The following KIAA1210 variants were observed in gnomAD, a reference collection of about 807,000 sequenced individuals.
KIAA1210 encodes the protein KIAA1210.
KIAA1210 carries 48 observed loss-of-function variants against 78.9 expected under a neutral mutation model. The observed-to-expected ratio is 0.61, with a 90% confidence interval of 0.48 to 0.77. The LOEUF is 0.77. KIAA1210 is among the 30% of genes least tolerant of loss of function. The pLI, the probability that KIAA1210 is intolerant of heterozygous loss-of-function variation, is 0.00. For synonymous variants in KIAA1210, 406 were observed against 404.5 expected (o/e 1.00, Z -0.04); for missense variants, 1,108 against 1,100.0 (o/e 1.01, Z -0.10).
At chrX:119,085,664 T>C in intron 9 of KIAA1210, 118 bp from the exon 10 acceptor site, 6 of 674,937 alleles carry the variant, frequency 8.9e-6, no homozygotes, top group Non-Finnish European at 1.3e-5. Flanking sequence ...CAAAGGAAAA[T>C]AAACAGATAT....
At chrX:119,143,717 A>G (rs984890753) in intron 2 of KIAA1210, among the ~76,000 whole-genome samples, 4 of 112,206 alleles carry the variant, frequency 3.6e-5, no homozygotes, top group Non-Finnish European at 7.5e-5. Flanking sequence ...TAATTGGTTA[A>G]TGGTCACTCT....
At chrX:119,094,558 G>C (rs1024405314) in intron 7 of KIAA1210, among the ~76,000 whole-genome samples, 1 of 112,012 alleles carries the variant, frequency 8.9e-6, no homozygotes, top group Non-Finnish European at 1.9e-5. Context: ...GATTGGCCTG[G>C]ATTCAAAATC....
At chrX:119,135,756 A>AT (rs1416615294) in intron 2 of KIAA1210, among the ~76,000 whole-genome samples, 1 of 112,284 alleles carries the variant, frequency 8.9e-6, no homozygotes. Flanking sequence ...AGGAAAAAAA[A>AT]GTAAAAGTAG....
chrX:119,085,286 G>C (rs1927093014), intron 10 of KIAA1210, 97 bp downstream of exon 10: 4 of 776,326 alleles, frequency 5.2e-6, no homozygotes, highest in Middle Eastern at 3.2e-4. Flanking sequence ...TTCCCAAAGA[G>C]AGGGGGAGCT....
intron 8 of KIAA1210, among the ~76,000 whole-genome samples, chrX:119,091,217 C>CA (rs778817742): frequency 7.2e-5 from 8 of 111,866 alleles, no homozygotes; most frequent in Non-Finnish European, 1.5e-4. Flanking sequence ...ATTACAAAGT[C>CA]AAAAAACAAT....
At chrX:119,149,376 T>G (rs1718515380) in intron 1 of KIAA1210, among the ~76,000 whole-genome samples, 1 of 111,015 alleles carries the variant, frequency 9.0e-6, no homozygotes, top group Admixed American at 9.6e-5. Flanking sequence ...CTGTGCTTGC[T>G]TGGCTCCAGG....
intron 2 of KIAA1210, among the ~76,000 whole-genome samples, chrX:119,117,904 C>T (rs952590460): frequency 2.7e-5 from 3 of 111,426 alleles, no homozygotes; most frequent in African/African-American, 6.5e-5. Context: ...TGAGCCACCA[C>T]GCCGGGCCTC....
At chrX:119,107,472 A>G (rs1292000872) in intron 5 of KIAA1210, among the ~76,000 whole-genome samples, 1 of 111,380 alleles carries the variant, frequency 9.0e-6, no homozygotes, top group Non-Finnish European at 1.9e-5. Flanking sequence ...AGTGAAAGCT[A>G]GTGTTGATGT....
rs1027226240 is a variant in KIAA1210 at position 119,140,253 on chromosome X, G to A, written c.410+7220C>T. ...CCCATTTAAAAAATGCACAGGCCGGGTGTGGTGGCTCACACCTGTAATCCC... is the reference window on the plus strand; with the variant it reads ...CCCATTTAAAAAATGCACAGGCCGGATGTGGTGGCTCACACCTGTAATCCC... On this transcript the variant is annotated intron_variant, in intron 2 of 13. Coordinates refer to the KIAA1210 transcript ENST00000402510. Among the ~76,000 whole-genome samples, 6 of 111,667 alleles carry A rather than the reference G, an allele frequency of 5.4e-5. No individual in the cohort carries two copies. In the East Asian group the frequency reaches 1.4e-3, roughly 26 times the overall value.
chrX:119,150,586 G>T (rs752238816), upstream of KIAA1210: 3 of 1,196,040 alleles, frequency 2.5e-6, no homozygotes, highest in Admixed American at 4.5e-5. Flanking sequence ...TCATTTCCCC[G>T]CGTAGAGTTG....
At chrX:119,117,607 C>T (rs1928314987) in intron 2 of KIAA1210, among the ~76,000 whole-genome samples, 1 of 99,928 alleles carries the variant, frequency 1.0e-5, no homozygotes, top group Admixed American at 1.2e-4. Context: ...CTCACTCTAT[C>T]ACCCAGGCTG....
intron 2 of KIAA1210, among the ~76,000 whole-genome samples, chrX:119,143,073 C>T: frequency 8.9e-6 from 1 of 112,058 alleles, no homozygotes; most frequent in Non-Finnish European, 1.9e-5. Flanking sequence ...AATACATGTT[C>T]ACTATTATTG....
intron 3 of KIAA1210, 37 bp from the exon 4 acceptor site, chrX:119,109,239 A>G: frequency 1.7e-6 from 2 of 1,165,537 alleles, no homozygotes; most frequent in Non-Finnish European, 2.3e-6. Flanking sequence ...AAGCAACCCA[A>G]GGGCCATGGG....
At chrX:119,136,046 CA>C (rs1000294090) in intron 2 of KIAA1210, among the ~76,000 whole-genome samples, 7 of 86,643 alleles carry the variant, frequency 8.1e-5, no homozygotes, top group African/African-American at 3.3e-4. Flanking sequence ...AGCAAGATTC[CA>C]TCTAAAACAA....
upstream of KIAA1210, among the ~76,000 whole-genome samples, chrX:119,130,918 G>T (rs1049881423): frequency 9.0e-6 from 1 of 111,408 alleles, no homozygotes; most frequent in Admixed American, 9.6e-5. Flanking sequence ...CCCCAGAGCT[G>T]CCTTTTCCTT....
intron 1 of KIAA1210, among the ~76,000 whole-genome samples, chrX:119,126,684 C>T (rs191573614): frequency 8.9e-6 from 1 of 112,102 alleles, no homozygotes; most frequent in East Asian, 2.8e-4. Flanking sequence ...CACACCAATG[C>T]ATTGTCCCAG....
At chrX:119,140,531 T>TAAAA (rs5903548) in intron 2 of KIAA1210, among the ~76,000 whole-genome samples, 4 of 62,656 alleles carry the variant, frequency 6.4e-5, no homozygotes, top group Non-Finnish European at 1.1e-4. Flanking sequence ...GACTCTTTCT[T>TAAAA]AAAAAAAAAA....
chrX:119,091,694 CTG>C (rs1927374006), intron 8 of KIAA1210, among the ~76,000 whole-genome samples: 2 of 111,968 alleles, frequency 1.8e-5, no homozygotes, highest in Middle Eastern at 4.6e-3. Flanking sequence ...GAATAGCTGA[CTG>C]TGCTCCAAAC....
chrX:119,119,463 A>T (rs984647286), intron 2 of KIAA1210, among the ~76,000 whole-genome samples: 1 of 112,715 alleles, frequency 8.9e-6, no homozygotes, highest in Admixed American at 9.4e-5. Context: ...GAGAGAAAGA[A>T]TAAAAAATGA....
Sources: allele counts gnomAD v4.1 joint callset (sites outside exome capture counted in the v4.1 genomes callset), GRCh38; gene constraint gnomAD v4.1.1; transcripts MANE v1.5; gene names NCBI Gene and HGNC (gene_info 2026-07-23, HGNC 2026-07-21).